SHC4: variants seen among roughly 807,000 people sequenced by gnomAD.
SHC4 encodes SHC adaptor protein 4.
Under a neutral mutation model 69.4 loss-of-function variants are expected in SHC4, and 41 were observed. The observed-to-expected ratio is 0.59, with a 90% CI of 0.46 to 0.77. SHC4 has a LOEUF of 0.77. SHC4 is among the 30% of genes least tolerant of loss of function. SHC4 has a pLI of 0.00. For synonymous variants in SHC4, 318 were observed against 299.3 expected, an observed-to-expected ratio of 1.06 and a Z score of -0.64; for missense variants, 777 against 783.8, an observed-to-expected ratio of 0.99 and a Z score of 0.10.
chr15:48,886,554 C>T (rs1333564856), intron 3 of SHC4, among the ~76,000 whole-genome samples: 1 of 152,182 alleles, frequency 6.6e-6, no homozygotes, highest in Non-Finnish European at 1.5e-5. Flanking sequence ...TTGATCCTAA[C>T]TTGTCAAGGG....
At chr15:48,877,572 T>C in intron 4 of SHC4, 4 of 985,080 alleles carry the variant, frequency 4.1e-6, no homozygotes, top group Non-Finnish European at 3.6e-6. Context: ...ACACACCGCA[T>C]TGCTAATAGT....
chr15:48,919,248 C>T (rs949251237), intron 2 of SHC4, among the ~76,000 whole-genome samples: 2 of 147,302 alleles, frequency 1.4e-5, no homozygotes, highest in Non-Finnish European at 3.0e-5. Context: ...TGCATCCACT[C>T]TTGGGAGAAG....
intron 2 of SHC4, among the ~76,000 whole-genome samples, chr15:48,923,191 A>G (rs990969000): frequency 6.6e-6 from 1 of 152,220 alleles, no homozygotes; most frequent in South Asian, 2.1e-4. Flanking sequence ...GGCACATTTC[A>G]TGGAACCCTA....
intron 4 of SHC4, chr15:48,876,546 A>C: frequency 1.5e-6 from 1 of 666,506 alleles, no homozygotes; most frequent in South Asian, 1.6e-5. Context: ...GTATTAACTC[A>C]CATGATCACA....
chr15:48,914,145 G>A (rs1291457876), intron 2 of SHC4, among the ~76,000 whole-genome samples: 2 of 152,352 alleles, frequency 1.3e-5, no homozygotes, highest in East Asian at 3.9e-4. Context: ...ACAGACATGA[G>A]CCACCGCGCC....
intron 2 of SHC4, among the ~76,000 whole-genome samples, chr15:48,913,754 C>T (rs1360148309): frequency 6.6e-6 from 1 of 152,138 alleles, no homozygotes; most frequent in African/African-American, 2.4e-5. Flanking sequence ...TGCTAGGGGG[C>T]CCAGCGAGCT....
rs879553315 is a variant in SHC4, at chr15:48,959,196, C to T, written c.585+3235G>A. Among the ~76,000 whole-genome samples, 15 of 152,138 alleles carry T rather than the reference C, an allele frequency of 9.9e-5. No homozygotes were observed. In the South Asian group the frequency reaches 1.2e-3, roughly 13 times the overall value. ...TAGCTATAACAATCCCACTTTTTACCCAAGAGTAATATGCCTTCCATTCCC... is the reference window on the plus strand; with the variant it reads ...TAGCTATAACAATCCCACTTTTTACTCAAGAGTAATATGCCTTCCATTCCC... On this transcript the variant is annotated intron_variant, in intron 1 of 11. Transcript: ENST00000332408.
At chr15:48,956,962 CTTT>C (rs1901464520) in intron 1 of SHC4, among the ~76,000 whole-genome samples, 2 of 24,138 alleles carry the variant, frequency 8.3e-5, no homozygotes, top group Non-Finnish European at 2.5e-4. Flanking sequence ...TTCTTTCTTT[CTTT>C]CTTTCTTTCT....
intron 6 of SHC4, among the ~76,000 whole-genome samples, chr15:48,862,117 C>T (rs1899456752): frequency 6.6e-6 from 1 of 151,834 alleles, no homozygotes; most frequent in African/African-American, 2.4e-5. Flanking sequence ...ACCACCAGGA[C>T]AGTCGTAGGC....
rs138620154 is a variant in SHC4 at position 48,873,413 on chromosome 15, C to T, written c.841-1271G>A. ...GTCTACATTTATATTTCAGTAAAAA[C>T]AAAGTCAATATACAAAGATCAATGT... is the stretch of plus-strand genomic sequence containing the variant. On this transcript the variant is annotated intron_variant, in intron 4 of 11. Transcript: ENST00000332408. Among the ~76,000 whole-genome samples the T allele has an allele frequency of 2.0e-3, 302 of 152,280 alleles. 1 individual carries two copies. Among genetic ancestry groups the T allele is most frequent in the African/African-American group, 7.1e-3 (294 of 41,552 alleles).
chr15:48,906,203 A>T (rs183269347), intron 2 of SHC4, among the ~76,000 whole-genome samples: 1 of 152,322 alleles, frequency 6.6e-6, no homozygotes, highest in Non-Finnish European at 1.5e-5. Flanking sequence ...ACAACCACAT[A>T]AAAATACAGC....
At chr15:48,837,620 A>T (rs1286602323) in intron 10 of SHC4, among the ~76,000 whole-genome samples, 2 of 152,102 alleles carry the variant, frequency 1.3e-5, no homozygotes, top group Non-Finnish European at 2.9e-5. Flanking sequence ...TTCTGAGAAG[A>T]AGTAGTGGAG....
At chr15:48,942,392 C>T (rs535895017) in intron 1 of SHC4, among the ~76,000 whole-genome samples, 3 of 151,898 alleles carry the variant, frequency 2.0e-5, no homozygotes, top group Non-Finnish European at 4.4e-5. Context: ...ACTCAAATAA[C>T]GCTGTTATAA....
At chr15:48,960,401 G>A (rs1052657397) in intron 1 of SHC4, among the ~76,000 whole-genome samples, 2 of 152,158 alleles carry the variant, frequency 1.3e-5, no homozygotes, top group African/African-American at 2.4e-5. Flanking sequence ...TGAGGGCCTG[G>A]CACACACCTA....
rs540734712 is a variant in SHC4, at chr15:48,824,334, T to C, written c.*1637A>G. The C allele has an allele frequency of 6.6e-6, 1 of 151,830 alleles. No individual in the cohort carries two copies. Among genetic ancestry groups the C allele is most frequent in the African/African-American group, 2.4e-5 (1 of 41,418 alleles). The allele number at this position is 151,830 out of a possible 1,614,324, so 9.4% of individuals were successfully genotyped here. On this transcript the variant is annotated 3_prime_UTR_variant, in exon 12 of 12. Coordinates refer to ENST00000332408, the MANE Select transcript of SHC4 (RefSeq NM_203349.4). ...AGTTTTATTTAAAACTTAGCAAATATATCACAATCACAAAGACTAAGTTGT... is the reference window on the plus strand; with the variant it reads ...AGTTTTATTTAAAACTTAGCAAATACATCACAATCACAAAGACTAAGTTGT...
intron 11 of SHC4, among the ~76,000 whole-genome samples, chr15:48,828,081 A>G: frequency 7.0e-6 from 1 of 143,196 alleles, no homozygotes. Flanking sequence ...GAGATCTGTT[A>G]CATATGTATG....
chr15:48,888,956 G>C (rs191115587), intron 3 of SHC4, among the ~76,000 whole-genome samples: 24 of 151,272 alleles, frequency 1.6e-4, no homozygotes, highest in African/African-American at 5.1e-4. Context: ...AAAGTGGAGA[G>C]AAAAGAAAAG....
At chr15:48,844,786 G>A (rs1229843579) in intron 9 of SHC4, among the ~76,000 whole-genome samples, 15 of 152,152 alleles carry the variant, frequency 9.9e-5, no homozygotes, top group Admixed American at 9.8e-4. Flanking sequence ...TTTTATAAAT[G>A]GGAGTTCCGC....
At chr15:48,874,472 G>A (rs770472498) in intron 4 of SHC4, among the ~76,000 whole-genome samples, 1 of 132,278 alleles carries the variant, frequency 7.6e-6, no homozygotes, top group African/African-American at 2.5e-5. Context: ...GCTGCTCCCC[G>A]TTGCTCACAT....
Sources: allele counts gnomAD v4.1 joint callset (sites outside exome capture counted in the v4.1 genomes callset), GRCh38; gene constraint gnomAD v4.1.1; transcripts MANE v1.5; gene names NCBI Gene and HGNC (gene_info 2026-07-23, HGNC 2026-07-21).